PHLDB3: variants seen among roughly 807,000 people sequenced by gnomAD.
PHLDB3 encodes pleckstrin homology-like domain family B member 3.
PHLDB3 carries 86 observed loss-of-function variants against 85.7 expected under a neutral mutation model. That is an observed-to-expected ratio of 1.00 (90% CI 0.84 to 1.20). The LOEUF is 1.20. Among genes scored for constraint, PHLDB3 ranks in the 50% most tolerant of loss-of-function variants. The pLI is 0.00. For missense variants in PHLDB3, 995 were observed against 873.0 expected, an observed-to-expected ratio of 1.14 and a Z score of -1.76; for synonymous variants, 376 against 349.8, an observed-to-expected ratio of 1.07 and a Z score of -0.83.
intron 12 of PHLDB3, 94 bp from the exon 13 acceptor site, chr19:43,486,416 C>T: frequency 2.2e-6 from 3 of 1,362,598 alleles, no homozygotes; most frequent in Non-Finnish European, 1.0e-6. Flanking sequence ...TCTGAGGGTA[C>T]AGGGACTGGG....
chr19:43,499,961 G>T (rs893921243), intron 4 of PHLDB3, among the ~76,000 whole-genome samples: 1 of 151,934 alleles, frequency 6.6e-6, no homozygotes, highest in South Asian at 2.1e-4. Context: ...GGCTGGCCTC[G>T]AACTGCGGTG....
At chr19:43,501,200 G>A (rs1305312939) in intron 4 of PHLDB3, among the ~76,000 whole-genome samples, 3 of 99,462 alleles carry the variant, frequency 3.0e-5, no homozygotes, top group Non-Finnish European at 5.7e-5. Flanking sequence ...TTTTTTTTGA[G>A]ACGGAGTCTC....
At chr19:43,482,728 G>C (rs1290493239) in intron 13 of PHLDB3, among the ~76,000 whole-genome samples, 2 of 152,068 alleles carry the variant, frequency 1.3e-5, no homozygotes, top group African/African-American at 2.4e-5. Context: ...AGTAGAGACG[G>C]GGTTTCTCCA....
At chr19:43,502,423 A>T in intron 2 of PHLDB3, 140 bp from the exon 3 acceptor site, 1 of 715,900 alleles carries the variant, frequency 1.4e-6, no homozygotes, top group Non-Finnish European at 2.2e-6. Context: ...CACTCCCATA[A>T]TCTGTCGCAG....
chr19:43,479,990 C>T (rs189276091), intron 13 of PHLDB3, among the ~76,000 whole-genome samples: 11 of 151,802 alleles, frequency 7.2e-5, no homozygotes, highest in Admixed American at 5.3e-4. Flanking sequence ...AAGATCGGGC[C>T]GGGTGTGGTG....
In PHLDB3 at chr19:43,475,490, T is replaced by C. The variant is rs762230856; in HGVS notation, c.1843A>G (p.Met615Val). Residue 615 changes from methionine to valine, a missense_variant, in exon 16 of 16, where the codon ATG becomes GTG. By Grantham distance (21) the Met-to-Val change is conservative. Transcript: ENST00000292140. Reference protein sequence around the residue: ...CVKTYERLFYMVAPSPEAMRI... With the variant: ...CVKTYERLFYVVAPSPEAMRI... ...ATGGCTTCGGGGCTCGGAGCCACCA[T>C]GTAGAAAAGGCGTTCGTAGGTTTTG... 3.5e-5 allele frequency: 57 copies of C among 1,613,704 alleles called. No individual in the cohort carries two copies. The East Asian group carries it at 1.0e-3, about 30-fold the overall frequency.
chr19:43,498,478 C>T (rs540995630), intron 4 of PHLDB3, among the ~76,000 whole-genome samples: 1 of 149,924 alleles, frequency 6.7e-6, no homozygotes, highest in Admixed American at 6.7e-5. Context: ...GAAAGAGAAA[C>T]AAAAAGGAAG....
chr19:43,494,608 T>C, intron 9 of PHLDB3, 94 bp downstream of exon 9: 2 of 1,034,778 alleles, frequency 1.9e-6, no homozygotes, highest in Admixed American at 2.6e-5. Context: ...GAGTGGAAGT[T>C]CTGGAGACCC....
At chr19:43,482,522 G>A (rs182530458) in intron 13 of PHLDB3, among the ~76,000 whole-genome samples, 2 of 152,082 alleles carry the variant, frequency 1.3e-5, no homozygotes, top group Admixed American at 6.5e-5. Context: ...ACCAGAGCAG[G>A]AGCAATTCTG....
chr19:43,495,453 G>A, intron 7 of PHLDB3, 42 bp downstream of exon 7: 1 of 1,604,106 alleles, frequency 6.2e-7, no homozygotes, highest in Non-Finnish European at 8.5e-7. Flanking sequence ...GCCCCAGGGG[G>A]AAGTGAGGAC....
chr19:43,494,681 C>T, intron 9 of PHLDB3, 21 bp downstream of exon 9: 1 of 1,570,710 alleles, frequency 6.4e-7, no homozygotes, highest in South Asian at 1.1e-5. Context: ...TATGGGGAAA[C>T]AGAGGCCGTG....
At position 43,504,075 on chromosome 19, in the gene PHLDB3, A is replaced by G. The variant is rs868614644; in HGVS notation, c.44T>C (p.Leu15Pro). Residue 15 changes from leucine to proline, a missense_variant, in exon 2 of 16, where the codon CTG becomes CCG. Transcript: ENST00000292140. The part of the protein sequence containing the change: ...SSPEEGTPPP[L>P]VPECDVEVQP... ...GACCTCCACGTCGCATTCCGGGACC[A>G]GCGGCGGCGGGGTCCCCTCCTCGGG... is the stretch of plus-strand genomic sequence containing the variant. The G allele has an allele frequency of 3.7e-6, 6 of 1,612,530 alleles. No individual in the cohort carries two copies. The highest frequency in any genetic ancestry group is 2.2e-5 in the East Asian group (1 of 44,812).
At chr19:43,502,996 TA>T (rs368858411) in intron 2 of PHLDB3, among the ~76,000 whole-genome samples, 103,574 of 152,120 alleles carry the variant, frequency 0.68, 35,231 homozygotes, top group East Asian at 0.73. Context: ...ATCTGTCCAC[TA>T]GATCTGTCCA....
chr19:43,486,303 G>C lies in PHLDB3; in HGVS notation c.1448C>G (p.Thr483Arg). The C allele has an allele frequency of 6.2e-7, 1 of 1,609,036 alleles. No individual in the cohort carries two copies. Among genetic ancestry groups the C allele is most frequent in the Non-Finnish European group, 8.5e-7 (1 of 1,178,040 alleles). The part of the protein sequence containing the change: ...LKAREGTRRG[T>R]EGSSGPAVPA... ...AACAGCAGGGCCTGAGGAACCTTCC[G>C]TGCCCCTTCTTGTTCCTTCCTGTGG... is the stretch of plus-strand genomic sequence containing the variant. Residue 483 changes from threonine (T) to arginine (R), a missense_variant, in exon 13 of 16, where the codon ACG (threonine) becomes AGG (arginine). Transcript: ENST00000292140.
chr19:43,478,531 A>G (rs1176044871), intron 14 of PHLDB3, among the ~76,000 whole-genome samples: 2 of 152,206 alleles, frequency 1.3e-5, no homozygotes, highest in African/African-American at 4.8e-5. Context: ...CACCCAGCAC[A>G]AGTCACACAG....
At chr19:43,491,668 A>AT (rs34859142) in intron 9 of PHLDB3, among the ~76,000 whole-genome samples, 57,371 of 138,982 alleles carry the variant, frequency 0.41, 11,995 homozygotes, top group African/African-American at 0.51. Context: ...CACCCAGCTA[A>AT]TTTTTTTTTT....
intron 15 of PHLDB3, 58 bp downstream of exon 15, chr19:43,477,989 G>A (rs1280790052): frequency 2.6e-5 from 37 of 1,419,276 alleles, no homozygotes; most frequent in Non-Finnish European, 3.5e-5. Flanking sequence ...GATGAGATAA[G>A]GCCTGACTCC....
At chr19:43,479,277 C>G in intron 14 of PHLDB3, 100 bp downstream of exon 14, 1 of 1,242,550 alleles carries the variant, frequency 8.0e-7, no homozygotes. Context: ...TCCTGGGGAA[C>G]ATGGAAAGTG....
At chr19:43,486,148 C>A in intron 13 of PHLDB3, 118 bp downstream of exon 13, 1 of 1,412,688 alleles carries the variant, frequency 7.1e-7, no homozygotes, top group South Asian at 1.6e-5. Context: ...CTTGCCAAGC[C>A]CAGGACAATT....
Sources: allele counts gnomAD v4.1 joint callset (sites outside exome capture counted in the v4.1 genomes callset), GRCh38; gene constraint gnomAD v4.1.1; transcripts MANE v1.5; gene names NCBI Gene and HGNC (gene_info 2026-07-23, HGNC 2026-07-21).